Variants in IYD observed in about 807,000 individuals in gnomAD.
IYD encodes the protein iodotyrosine deiodinase 1.
Under a neutral mutation model 28.4 loss-of-function variants are expected in IYD, and 25 were observed. The observed-to-expected ratio is 0.88, with a 90% CI of 0.64 to 1.23. IYD has a LOEUF of 1.23. Ranked by LOEUF, IYD falls within the 50% of genes most tolerant of loss-of-function variation. The pLI is 0.00. For synonymous variants in IYD, 140 were observed against 130.8 expected (o/e 1.07, Z -0.48); for missense variants, 352 against 357.9 (o/e 0.98, Z 0.13).
intron 2 of IYD, 170 bp from the exon 3 acceptor site, chr6:150,392,175 C>A (rs1778145569): frequency 2.7e-6 from 1 of 365,202 alleles, no homozygotes; most frequent in Non-Finnish European, 3.8e-6. Context: ...ACTATAGGCA[C>A]ACACCAGCAC....
At chr6:150,384,713 G>C (rs1777797991) in intron 1 of IYD, 1 of 152,126 alleles carries the variant, frequency 6.6e-6, no homozygotes, top group Non-Finnish European at 1.5e-5. Flanking sequence ...ATTCAGAAAA[G>C]CTGTGAAATT....
intron 1 of IYD, among the ~76,000 whole-genome samples, chr6:150,371,458 T>C (rs1777238593): frequency 6.6e-6 from 1 of 151,434 alleles, no homozygotes; most frequent in Admixed American, 6.6e-5. Context: ...CCAGAAAGAG[T>C]GTGCATCAAG....
Position 150,392,351 on chromosome 6 carries a change from C to A in IYD, c.377C>A (p.Ala126Asp). 1 of 1,613,228 alleles carries A rather than the reference C, an allele frequency of 6.2e-7. No individual in the cohort carries two copies. The highest frequency in any genetic ancestry group is 1.8e-4 in the Middle Eastern group (1 of 5,502). Reference protein sequence around the residue: ...IDNVIRTAGTAPSGAHTEPWT... With the variant: ...IDNVIRTAGTDPSGAHTEPWT... ...TTAATGGAATGGGTGACAGGAACAG[C>A]CCCGAGTGGGGCTCACACAGAGCCC... Residue 126 changes from alanine (A) to aspartate (D), a missense_variant, in exon 3 of 5, where the codon GCC (alanine) becomes GAC (aspartate). Physicochemically the swap from Ala to Asp is moderately radical, Grantham distance 126 (BLOSUM62 -2). Transcript: ENST00000344419.
chr6:150,378,859 C>T (rs1777548103), intron 1 of IYD, among the ~76,000 whole-genome samples: 1 of 152,128 alleles, frequency 6.6e-6, no homozygotes, highest in African/African-American at 2.4e-5. Flanking sequence ...TATTGTGGCA[C>T]TATTCACAAT....
At chr6:150,390,981 G>A (rs752050483) in intron 2 of IYD, among the ~76,000 whole-genome samples, 2 of 152,150 alleles carry the variant, frequency 1.3e-5, no homozygotes, top group Non-Finnish European at 2.9e-5. Context: ...GTTCACACCT[G>A]TAATCCCAGC....
intron 3 of IYD, 68 bp downstream of exon 3, chr6:150,392,572 T>A: frequency 1.3e-6 from 2 of 1,489,542 alleles, no homozygotes; most frequent in Non-Finnish European, 1.9e-6. Flanking sequence ...ACCACCACCA[T>A]GTCCTGGCTT....
intron 2 of IYD, among the ~76,000 whole-genome samples, chr6:150,391,695 A>G (rs559831943): frequency 6.6e-6 from 1 of 152,172 alleles, no homozygotes; most frequent in South Asian, 2.1e-4. Context: ...CATTTTGAGC[A>G]AGTATGAATT....
chr6:150,382,763 T>G (rs1054698352), intron 1 of IYD, among the ~76,000 whole-genome samples: 3 of 152,234 alleles, frequency 2.0e-5, no homozygotes, highest in African/African-American at 7.2e-5. Context: ...GAATGTTTAA[T>G]TTAGTTTGTT....
intron 1 of IYD, chr6:150,370,534 G>A (rs1466230896): frequency 1.8e-5 from 18 of 985,290 alleles, no homozygotes; most frequent in East Asian, 1.1e-4. Flanking sequence ...TGACTGCACC[G>A]TACAGGAGTC....
chr6:150,369,358 A>G, intron 1 of IYD, 149 bp downstream of exon 1: 1 of 765,878 alleles, frequency 1.3e-6, no homozygotes, highest in Non-Finnish European at 2.2e-6. Flanking sequence ...AGTGCTTGGC[A>G]CAGACAGGTC....
chr6:150,369,901 A>G, intron 1 of IYD: 1 of 695,604 alleles, frequency 1.4e-6, no homozygotes, highest in South Asian at 1.5e-5. Context: ...GGGCAGGGGT[A>G]AGAGAGGAAG....
chr6:150,391,083 A>G (rs1160480462), intron 2 of IYD, among the ~76,000 whole-genome samples: 6 of 152,078 alleles, frequency 3.9e-5, no homozygotes, highest in African/African-American at 1.4e-4. Context: ...CTAAGTGTAG[A>G]AAAATTAGCT....
intron 2 of IYD, among the ~76,000 whole-genome samples, chr6:150,391,005 G>A (rs1347744732): frequency 3.3e-5 from 5 of 152,116 alleles, no homozygotes; most frequent in East Asian, 3.9e-4. Flanking sequence ...TTGGGAGGCC[G>A]AGGCGAGCAG....
rs1484849857 is a variant in IYD, at chr6:150,394,099, A to C, written c.531A>C (p.Arg177Ser). ...TCCTGAATCTCTTTTCTCTTCACAG[A>C]ACCAACTGGATTAAAGAGTACTTGG... The part of the protein sequence containing the change: ...HRWVTDLKKL[R>S]TNWIKEYLDT... Residue 177 changes from arginine (R) to serine (S), a missense_variant and splice_region_variant, in exon 4 of 5, where the codon AGA (arginine) becomes AGC (serine). Arg to Ser is a moderately radical substitution (Grantham distance 110). Transcript: ENST00000344419. 3 of 1,613,996 alleles carry C rather than the reference A, an allele frequency of 1.9e-6. No homozygotes were observed. Among genetic ancestry groups the C allele is most frequent in the Non-Finnish European group, 2.5e-6 (3 of 1,179,972 alleles).
At chr6:150,377,101 A>G (rs1470682682) in intron 1 of IYD, among the ~76,000 whole-genome samples, 2 of 152,134 alleles carry the variant, frequency 1.3e-5, no homozygotes, top group Non-Finnish European at 2.9e-5. Flanking sequence ...ATTTTAGGGT[A>G]TTGTTTGCAG....
rs1778600642 is a variant in IYD at position 150,404,715 on chromosome 6, A to G, written c.*6478A>G. 6.6e-6 allele frequency: 1 copy of G among 152,314 alleles called. No individual in the cohort carries two copies. Among genetic ancestry groups the G allele is most frequent in the Admixed American group, 6.5e-5 (1 of 15,306 alleles). The allele number at this position is 152,314 out of a possible 1,614,324, so 9.4% of individuals were successfully genotyped here. A position where few individuals can be genotyped will look rare whatever the true frequency, so the allele number is the denominator to read the frequency against. ...CCCCTTCCCCAAAGAGATTTGTTTT[A>G]TTTATTTGTTTACTAGTTTTATAAA... On this transcript the variant is annotated 3_prime_UTR_variant, in exon 5 of 5. Transcript: ENST00000344419.
intron 1 of IYD, chr6:150,384,925 T>C (rs1777806354): frequency 6.6e-6 from 1 of 152,190 alleles, no homozygotes; most frequent in African/African-American, 2.4e-5. Flanking sequence ...CTTCTTATCT[T>C]CTGCCATATC....
intron 1 of IYD, among the ~76,000 whole-genome samples, chr6:150,386,646 G>A (rs1582788094): frequency 2.0e-5 from 3 of 151,518 alleles, no homozygotes; most frequent in African/African-American, 4.9e-5. Context: ...ACTGTGTTGT[G>A]GATTTTTACA....
intron 1 of IYD, 66 bp downstream of exon 1, chr6:150,369,275 T>A: frequency 1.3e-6 from 2 of 1,494,494 alleles, no homozygotes; most frequent in Non-Finnish European, 1.8e-6. Flanking sequence ...TGTGAGTCAA[T>A]GGCAGGGCTT....
Sources: allele counts gnomAD v4.1 joint callset (sites outside exome capture counted in the v4.1 genomes callset), GRCh38; gene constraint gnomAD v4.1.1; transcripts MANE v1.5; gene names NCBI Gene and HGNC (gene_info 2026-07-23, HGNC 2026-07-21).